Variants in DR1 observed in about 807,000 individuals in gnomAD.
The protein encoded by DR1 is protein Dr1.
In DR1, 7 loss-of-function variants were observed where a neutral mutation model predicts 19.9. That is an observed-to-expected ratio of 0.35 (90% CI 0.20 to 0.66). The LOEUF (loss-of-function observed/expected upper bound fraction) is 0.66. DR1 is among the 30% of genes least tolerant of loss of function. DR1 has a pLI of 0.66. For missense variants in DR1, 98 were observed against 203.7 expected, an observed-to-expected ratio of 0.48 and a Z score of 3.16; for synonymous variants, 76 against 72.5, an observed-to-expected ratio of 1.05 and a Z score of -0.24.
In DR1 at chr1:93,364,608, C is replaced by G. The variant is rs1667095158; in HGVS notation, c.*3969C>G. Reference sequence around the variant, plus strand: ...AACAATTTGACCACAAGTCCTACCCCACCTCCTCTGTTTTTCACCATCCCC... The same window carrying G: ...AACAATTTGACCACAAGTCCTACCCGACCTCCTCTGTTTTTCACCATCCCC... On this transcript the variant is annotated 3_prime_UTR_variant, in exon 3 of 3. Coordinates refer to ENST00000370272, the MANE Select transcript of DR1 (RefSeq NM_001938.3). The G allele has an allele frequency of 1.3e-5, 2 of 152,026 alleles. No homozygotes were observed. Among genetic ancestry groups the G allele is most frequent in the African/African-American group, 4.8e-5 (2 of 41,372 alleles). 9.4% of individuals were successfully genotyped at this position (152,026 alleles called of 1,614,324 possible). A position where few individuals can be genotyped will look rare whatever the true frequency, so the allele number is the denominator to read the frequency against.
rs1040982606 is a variant in DR1 at position 93,367,196 on chromosome 1, A to G, written c.*6557A>G. The G allele has an allele frequency of 6.6e-6, 1 of 152,082 alleles. No individual in the cohort carries two copies. Among genetic ancestry groups the G allele is most frequent in the Admixed American group, 6.5e-5 (1 of 15,270 alleles). The allele number at this position is 152,082 out of a possible 1,614,324, so 9.4% of individuals were successfully genotyped here. ...AAATTATTTACCCAATATTTGGCGA[A>G]TCAGTGAGTGACAGCAGTTGTAGTG... On this transcript the variant is annotated 3_prime_UTR_variant, in exon 3 of 3. Coordinates refer to ENST00000370272, the MANE Select transcript of DR1 (RefSeq NM_001938.3).
At chr1:93,350,268 CATT>C (rs1666900313) in intron 1 of DR1, among the ~76,000 whole-genome samples, 2 of 152,176 alleles carry the variant, frequency 1.3e-5, no homozygotes, top group African/African-American at 4.8e-5. Flanking sequence ...ATTAGTCTCT[CATT>C]GTTGTCCAAG....
At chr1:93,359,068 G>T (rs1271280490) in intron 2 of DR1, among the ~76,000 whole-genome samples, 1 of 152,168 alleles carries the variant, frequency 6.6e-6, no homozygotes, top group African/African-American at 2.4e-5. Flanking sequence ...CTATAGAGAG[G>T]TTGGGGTAGA....
In DR1 at chr1:93,364,263, C is replaced by T. The variant is rs1168435357; in HGVS notation, c.*3624C>T. On this transcript the variant is annotated 3_prime_UTR_variant, in exon 3 of 3. Transcript: ENST00000370272. ...AAAAGTAATTGCCCTTATTAACTGA[C>T]ACATTAGTATTACATACTCATTAGG... 2 of 152,108 alleles carry T rather than the reference C, an allele frequency of 1.3e-5. No homozygotes were observed. The highest frequency in any genetic ancestry group is 6.5e-5 in the Admixed American group (1 of 15,270). 9.4% of individuals were successfully genotyped at this position (152,108 alleles called of 1,614,324 possible).
chr1:93,359,665 T>C (rs1570713287), intron 2 of DR1, among the ~76,000 whole-genome samples: 1 of 152,266 alleles, frequency 6.6e-6, no homozygotes, highest in Admixed American at 6.5e-5. Flanking sequence ...AACAGGTTCA[T>C]TTTTTCCCTT....
rs1448791988 is a variant in DR1, at chr1:93,367,628, C to T, written c.*6989C>T. ...GGGAATTGAGAAGAAACCAGAATAC[C>T]CAGAGAAAACTCATGCAGATATGTG... On this transcript the variant is annotated 3_prime_UTR_variant, in exon 3 of 3. Coordinates refer to ENST00000370272, the MANE Select transcript of DR1 (RefSeq NM_001938.3). The T allele has an allele frequency of 6.6e-6, 1 of 152,138 alleles. No individual in the cohort carries two copies. Among genetic ancestry groups the T allele is most frequent in the Non-Finnish European group, 1.5e-5 (1 of 68,052 alleles). The allele number at this position is 152,138 out of a possible 1,614,324, so 9.4% of individuals were successfully genotyped here.
In DR1 at chr1:93,366,449, A is replaced by C. The variant is rs887775916; in HGVS notation, c.*5810A>C. The C allele has an allele frequency of 6.6e-6, 1 of 152,188 alleles. No homozygotes were observed. The highest frequency in any genetic ancestry group is 2.4e-5 in the African/African-American group (1 of 41,438). The allele number at this position is 152,188 out of a possible 1,614,324, so 9.4% of individuals were successfully genotyped here. On this transcript the variant is annotated 3_prime_UTR_variant, in exon 3 of 3. Transcript: ENST00000370272. ...CGCAATTGAAATAGGGAAAGTCTTT[A>C]TATTCATATAAAGATAATTTATAAT...
At chr1:93,358,836 A>G (rs1030652686) in intron 2 of DR1, among the ~76,000 whole-genome samples, 4 of 152,182 alleles carry the variant, frequency 2.6e-5, no homozygotes, top group Admixed American at 2.0e-4. Flanking sequence ...CTCATGTGAC[A>G]TCTATCTCTT....
chr1:93,351,729 G>T (rs1337807189), intron 1 of DR1, among the ~76,000 whole-genome samples: 2 of 152,052 alleles, frequency 1.3e-5, no homozygotes, highest in African/African-American at 4.8e-5. Context: ...AGCCACCATG[G>T]TCGGCTGGCT....
intron 2 of DR1, among the ~76,000 whole-genome samples, chr1:93,358,880 T>G (rs1667023341): frequency 6.6e-6 from 1 of 152,104 alleles, no homozygotes; most frequent in Admixed American, 6.6e-5. Context: ...GAGGAGAAAA[T>G]AGTATTTCAG....
At position 93,366,064 on chromosome 1, in the gene DR1, G is replaced by A. The variant is rs758306610; in HGVS notation, c.*5425G>A. The A allele has an allele frequency of 6.6e-6, 1 of 152,092 alleles. No individual in the cohort carries two copies. 9.4% of individuals were successfully genotyped at this position (152,092 alleles called of 1,614,324 possible). A position where few individuals can be genotyped will look rare whatever the true frequency, so the allele number is the denominator to read the frequency against. ...CTTCATCTTCCCAAACTGAAATTAT[G>A]TATTCATTAAACAATAACCACCCAT... On this transcript the variant is annotated 3_prime_UTR_variant, in exon 3 of 3. Transcript: ENST00000370272.
intron 2 of DR1, among the ~76,000 whole-genome samples, chr1:93,357,229 G>C (rs916052695): frequency 1.3e-5 from 2 of 152,098 alleles, no homozygotes; most frequent in African/African-American, 4.8e-5. Context: ...TCTTATCCTT[G>C]TTTTTTCTAA....
chr1:93,353,312 AAT>A (rs1666940340), intron 1 of DR1, among the ~76,000 whole-genome samples: 3 of 152,108 alleles, frequency 2.0e-5, no homozygotes, highest in African/African-American at 7.2e-5. Flanking sequence ...ACATCATTTA[AAT>A]ATGTTTTTAT....
At position 93,362,910 on chromosome 1, in the gene DR1, A is replaced by AG. The variant is rs1667075984; in HGVS notation, c.*2272dup. 6.9e-6 allele frequency: 1 copy of AG among 144,888 alleles called. No homozygotes were observed. Among genetic ancestry groups the AG allele is most frequent in the African/African-American group, 2.6e-5 (1 of 38,928 alleles). The allele number at this position is 144,888 out of a possible 1,614,324, so 9.0% of individuals were successfully genotyped here. A position where few individuals can be genotyped will look rare whatever the true frequency, so the allele number is the denominator to read the frequency against. On this transcript the variant is annotated 3_prime_UTR_variant, in exon 3 of 3. Transcript: ENST00000370272. ...AGTTAAAATTTTTTAAATCTTTTGA[A>AG]GAGAGAAACAAAATCTTCAGCGTTC...
Position 93,346,181 on chromosome 1 carries a change from TGGCGGC to T in DR1, c.-458_-453del. 1 of 224,698 alleles carries T rather than the reference TGGCGGC, an allele frequency of 4.5e-6. No individual in the cohort carries two copies. Among genetic ancestry groups the T allele is most frequent in the Non-Finnish European group, 8.8e-6 (1 of 113,580 alleles). 13.9% of individuals were successfully genotyped at this position (224,698 alleles called of 1,614,324 possible). On this transcript the variant is annotated 5_prime_UTR_variant, in exon 1 of 3. Coordinates refer to ENST00000370272, the MANE Select transcript of DR1 (RefSeq NM_001938.3). ...TGGCCGAGGCGGCGGCAACGGCTGC[TGGCGGC>T]GGCGGCAGCGGCAGCGGGGCCTCGG...
intron 1 of DR1, 149 bp downstream of exon 1, chr1:93,347,014 T>C (rs1326656907): frequency 4.3e-6 from 3 of 692,958 alleles, no homozygotes; most frequent in Non-Finnish European, 4.9e-6. Context: ...GCCGGTGCTT[T>C]AAAAACAATC....
intron 2 of DR1, among the ~76,000 whole-genome samples, chr1:93,356,822 A>G (rs1221467341): frequency 1.3e-5 from 2 of 151,806 alleles, no homozygotes; most frequent in Admixed American, 6.6e-5. Context: ...CCCGGGTTCA[A>G]GCGATTCTCC....
chr1:93,358,698 G>A (rs886468129), intron 2 of DR1, among the ~76,000 whole-genome samples: 4 of 152,144 alleles, frequency 2.6e-5, no homozygotes, highest in African/African-American at 9.7e-5. Context: ...TTTTAGGGTT[G>A]GTGGCTGCTT....
Position 93,360,873 on chromosome 1 carries a change from T to C in DR1, c.*234T>C, listed in dbSNP as rs1667043856. On this transcript the variant is annotated 3_prime_UTR_variant, in exon 3 of 3. Coordinates refer to ENST00000370272, the MANE Select transcript of DR1 (RefSeq NM_001938.3). ...AATATCAATTTTGAATTTTTAATGG[T>C]GTTTATGAAATTTTAGATAGCAGCG... 2.3e-6 allele frequency: 1 copy of C among 430,714 alleles called. No individual in the cohort carries two copies. Among genetic ancestry groups the C allele is most frequent in the South Asian group, 4.1e-5 (1 of 24,612 alleles). 26.7% of individuals were successfully genotyped at this position (430,714 alleles called of 1,614,324 possible). A position where few individuals can be genotyped will look rare whatever the true frequency, so the allele number is the denominator to read the frequency against.
Sources: allele counts gnomAD v4.1 joint callset (sites outside exome capture counted in the v4.1 genomes callset), GRCh38; gene constraint gnomAD v4.1.1; transcripts MANE v1.5; gene names NCBI Gene and HGNC (gene_info 2026-07-23, HGNC 2026-07-21).